The following MSI2 variants were observed in gnomAD, a reference collection of about 807,000 sequenced individuals.
The protein encoded by MSI2 is musashi RNA binding protein 2.
A neutral mutation model predicts 45.6 loss-of-function variants in MSI2; 17 were observed. That is an observed-to-expected ratio of 0.37 (90% CI 0.26 to 0.56). The LOEUF is 0.56. MSI2 is among the 20% of genes least tolerant of loss of function. The pLI is 0.77. For synonymous variants in MSI2, 156 were observed against 158.2 expected (o/e 0.99, Z 0.11); for missense variants, 293 against 444.2 (o/e 0.66, Z 3.06).
At chr17:57,321,837 C>T (rs1913368842) in intron 5 of MSI2, among the ~76,000 whole-genome samples, 1 of 151,944 alleles carries the variant, frequency 6.6e-6, no homozygotes, top group African/African-American at 2.4e-5. Context: ...CATTCTGTCA[C>T]TCAGGCTGGA....
intron 6 of MSI2, among the ~76,000 whole-genome samples, chr17:57,434,557 C>G (rs2084657373): frequency 6.6e-6 from 1 of 152,152 alleles, no homozygotes. Context: ...CCCTCCTTCC[C>G]CATGCACCCC....
intron 6 of MSI2, among the ~76,000 whole-genome samples, chr17:57,460,253 G>A (rs1195766944): frequency 1.3e-5 from 2 of 152,168 alleles, no homozygotes; most frequent in Admixed American, 1.3e-4. Context: ...GAGCTTGGGA[G>A]GATGAGGCTG....
chr17:57,328,893 T>G (rs1914038721), intron 5 of MSI2, among the ~76,000 whole-genome samples: 1 of 152,194 alleles, frequency 6.6e-6, no homozygotes, highest in Non-Finnish European at 1.5e-5. Context: ...ATTTTAGTTG[T>G]CTTGCTGATT....
chr17:57,606,423 CG>C (rs1005824537), intron 8 of MSI2: 2 of 152,188 alleles, frequency 1.3e-5, no homozygotes, highest in African/African-American at 4.8e-5. Flanking sequence ...CTCAGAGAGC[CG>C]GCAAGTGGAA....
At chr17:57,382,604 A>T (rs1374469802) in intron 5 of MSI2, among the ~76,000 whole-genome samples, 1 of 152,148 alleles carries the variant, frequency 6.6e-6, no homozygotes, top group Admixed American at 6.5e-5. Flanking sequence ...TAGTTGGGAA[A>T]CTGATAACAA....
intron 6 of MSI2, among the ~76,000 whole-genome samples, chr17:57,406,277 C>T (rs2084080689): frequency 6.6e-6 from 1 of 152,108 alleles, no homozygotes; most frequent in South Asian, 2.1e-4. Context: ...CACTGTTCTC[C>T]CGGCAGAGCC....
rs60102144 is a variant in MSI2 at position 57,514,211 on chromosome 17, A to ATT, written c.406-15457_406-15456dup. Among the ~76,000 whole-genome samples, 850 of 151,596 alleles carry ATT rather than the reference A, an allele frequency of 5.6e-3. 3 individuals are homozygous for ATT. Among genetic ancestry groups the ATT allele is most frequent in the Admixed American group, 8.5e-3 (129 of 15,250 alleles). ...CTGACAGTTTTCCAGCAGCTAAGGG[A>ATT]TTTTTTTTTCTGCTTCAGAAAGCAA... On this transcript the variant is annotated intron_variant, in intron 6 of 13. Transcript: ENST00000284073.
At chr17:57,500,017 A>AG (rs1392088506) in intron 6 of MSI2, among the ~76,000 whole-genome samples, 1 of 152,050 alleles carries the variant, frequency 6.6e-6, no homozygotes, top group East Asian at 1.9e-4. Context: ...AATGAAGGGG[A>AG]GGGGACATAG....
At chr17:57,446,582 C>T (rs76172895) in intron 6 of MSI2, among the ~76,000 whole-genome samples, 1,932 of 152,282 alleles carry the variant, frequency 0.013, 16 homozygotes, top group Non-Finnish European at 0.019. Flanking sequence ...GCTTGACTGT[C>T]GATACCTTGA....
At chr17:57,297,128 C>A (rs1381139938) in intron 5 of MSI2, among the ~76,000 whole-genome samples, 1 of 151,666 alleles carries the variant, frequency 6.6e-6, no homozygotes, top group Non-Finnish European at 1.5e-5. Context: ...CCGCCTTGGC[C>A]TCCCAAAGTG....
chr17:57,282,526 T>C, intron 5 of MSI2, among the ~76,000 whole-genome samples: 1 of 152,118 alleles, frequency 6.6e-6, no homozygotes, highest in Non-Finnish European at 1.5e-5. Flanking sequence ...GATTGGAGGA[T>C]GTTGCTTTAT....
chr17:57,553,875 G>C (rs1331684411), intron 7 of MSI2, among the ~76,000 whole-genome samples: 2 of 152,186 alleles, frequency 1.3e-5, no homozygotes, highest in East Asian at 1.9e-4. Context: ...CCACAAGTTT[G>C]TCTCTTTCAA....
intron 6 of MSI2, among the ~76,000 whole-genome samples, chr17:57,477,743 C>T (rs149161692): frequency 6.6e-6 from 1 of 152,328 alleles, no homozygotes; most frequent in East Asian, 1.9e-4. Flanking sequence ...GCAAAAGGAA[C>T]AGCTTCTGAA....
chr17:57,392,770 T>G (rs1182967892), intron 5 of MSI2, among the ~76,000 whole-genome samples: 1 of 152,128 alleles, frequency 6.6e-6, no homozygotes. Context: ...GACGAAGCGG[T>G]GGGAATGGTG....
chr17:57,574,209 C>T (rs930142024), intron 7 of MSI2, among the ~76,000 whole-genome samples: 4 of 152,186 alleles, frequency 2.6e-5, no homozygotes, highest in African/African-American at 4.8e-5. Context: ...AGCTAATGGC[C>T]AAGGCATTAC....
intron 7 of MSI2, among the ~76,000 whole-genome samples, chr17:57,579,758 A>T (rs192915197): frequency 4.1e-4 from 62 of 152,298 alleles, no homozygotes; most frequent in East Asian, 1.3e-3. Flanking sequence ...TCAGCATCTG[A>T]TGGGGGCTAG....
chr17:57,423,965 A>T lies in MSI2; in HGVS notation c.405+22494A>T, dbSNP rs143329927. Reference sequence around the variant, plus strand: ...AAGCAAGCACAGATAATTATTTCTGATGAATAAACCAAGAGGACAAGTATG... The same window carrying T: ...AAGCAAGCACAGATAATTATTTCTGTTGAATAAACCAAGAGGACAAGTATG... On this transcript the variant is annotated intron_variant, in intron 6 of 13. Coordinates refer to ENST00000284073, the MANE Select transcript of MSI2 (RefSeq NM_138962.4). 1.2e-4 allele frequency among the ~76,000 whole-genome samples: 18 copies of T among 152,346 alleles called. 1 individual carries two copies. In the East Asian group the frequency reaches 3.1e-3, roughly 26 times the overall value.
chr17:57,404,264 G>A (rs1023692174), intron 6 of MSI2, among the ~76,000 whole-genome samples: 1 of 152,090 alleles, frequency 6.6e-6, no homozygotes, highest in African/African-American at 2.4e-5. Flanking sequence ...TCCCCCTCCA[G>A]GCTTGTCTGA....
rs386386327 is a variant in MSI2, at chr17:57,295,992, C to CTTTTTTTTTTTTTTTTTTTT, written c.312+33815_312+33834dup. Among the ~76,000 whole-genome samples, 3 of 38,624 alleles carry CTTTTTTTTTTTTTTTTTTTT rather than the reference C, an allele frequency of 7.8e-5. 1 individual carries two copies. The highest frequency in any genetic ancestry group is 2.0e-4 in the African/African-American group (3 of 14,780). The allele number at this position is 38,624 out of a possible 152,430, so 25.3% of individuals were successfully genotyped here. A position where few individuals can be genotyped will look rare whatever the true frequency, so the allele number is the denominator to read the frequency against. ...TGAGTTACCAGTTCACGCAGCCTTC[C>CTTTTTTTTTTTTTTTTTTTT]TTTTTTTTTTTTTTTTTTTTTTTTT... On this transcript the variant is annotated intron_variant, in intron 5 of 13. Coordinates refer to ENST00000284073, the MANE Select transcript of MSI2 (RefSeq NM_138962.4).
Sources: gnomAD v4.1 joint callset for allele counts (sites outside exome capture counted in the v4.1 genomes callset) on GRCh38, gnomAD v4.1.1 for gene constraint, MANE v1.5 for transcripts, NCBI Gene and HGNC (gene_info 2026-07-23, HGNC 2026-07-21) for gene names.